TRPC4AP: variants seen among roughly 807,000 people sequenced by gnomAD.
TRPC4AP encodes transient receptor potential cation channel subfamily C member 4 associated protein, also known as short transient receptor potential channel 4-associated protein.
Under a neutral mutation model 99.0 loss-of-function variants are expected in TRPC4AP, and 45 were observed. That is an observed-to-expected ratio of 0.45 (90% CI 0.36 to 0.58). TRPC4AP has a LOEUF of 0.58. Ranked by LOEUF, TRPC4AP falls within the 20% of genes least tolerant of loss-of-function variation. The pLI is 0.00. For synonymous variants in TRPC4AP, 408 were observed against 385.8 expected (o/e 1.06, Z -0.67); for missense variants, 879 against 985.3 (o/e 0.89, Z 1.44).
rs779097736 is a variant in TRPC4AP at position 35,005,297 on chromosome 20, T to C, written c.1936+398A>G. On this transcript the variant is annotated intron_variant, in intron 16 of 18. Transcript: ENST00000252015. ...CTGCTGGATGCCACAAGCCCTCTCC[T>C]AGGAAAAAAAGGAAACGCGTGCGCA... 3.3e-5 allele frequency among the ~76,000 whole-genome samples: 5 copies of C among 151,948 alleles called. No homozygotes were observed. The East Asian group carries it at 5.8e-4, about 18-fold the overall frequency.
chr20:35,060,385 G>A (rs1600619094), intron 3 of TRPC4AP, among the ~76,000 whole-genome samples: 1 of 151,924 alleles, frequency 6.6e-6, no homozygotes, highest in Non-Finnish European at 1.5e-5. Context: ...CCAAGAGTAT[G>A]CAACCAGCCT....
chr20:35,002,815 A>G lies in TRPC4AP; in HGVS notation c.*331T>C. 4.0e-6 allele frequency: 1 copy of G among 248,864 alleles called. No individual in the cohort carries two copies. 15.4% of individuals were successfully genotyped at this position (248,864 alleles called of 1,614,324 possible). A position where few individuals can be genotyped will look rare whatever the true frequency, so the allele number is the denominator to read the frequency against. Reference sequence around the variant, plus strand: ...CCCATATCTTCCTCCCCACTCTGGGACTGACTGACAGCCAAGAAACCGGCA... The same window carrying G: ...CCCATATCTTCCTCCCCACTCTGGGGCTGACTGACAGCCAAGAAACCGGCA... On this transcript the variant is annotated 3_prime_UTR_variant, in exon 19 of 19. Coordinates refer to ENST00000252015, the MANE Select transcript of TRPC4AP (RefSeq NM_015638.3).
intron 9 of TRPC4AP, among the ~76,000 whole-genome samples, chr20:35,017,408 C>T (rs2082779297): frequency 6.6e-6 from 1 of 152,182 alleles, no homozygotes; most frequent in Non-Finnish European, 1.5e-5. Context: ...AGAGAGGCTT[C>T]ACTTATACTA....
intron 1 of TRPC4AP, among the ~76,000 whole-genome samples, chr20:35,089,957 C>T (rs1369731595): frequency 1.3e-5 from 2 of 151,090 alleles, no homozygotes; most frequent in Non-Finnish European, 3.0e-5. Context: ...CTGTCTCTAC[C>T]AAAGATACAA....
chr20:35,058,979 G>A (rs1004202902), intron 3 of TRPC4AP, among the ~76,000 whole-genome samples: 1 of 151,944 alleles, frequency 6.6e-6, no homozygotes, highest in African/African-American at 2.4e-5. Flanking sequence ...ATGAGCCACC[G>A]CACCCGGCCA....
chr20:35,024,768 C>T (rs1386812842), intron 8 of TRPC4AP, among the ~76,000 whole-genome samples: 3 of 129,536 alleles, frequency 2.3e-5, no homozygotes, highest in African/African-American at 9.1e-5. Flanking sequence ...GTCAGGGCTG[C>T]AATGAGCTGT....
At chr20:35,049,719 T>C in intron 6 of TRPC4AP, 147 bp downstream of exon 6, 1 of 837,392 alleles carries the variant, frequency 1.2e-6, no homozygotes, top group Non-Finnish European at 1.7e-6. Flanking sequence ...GTATAAGGGG[T>C]AATCAAGTTT....
At chr20:35,062,165 T>G (rs933965373) in intron 3 of TRPC4AP, among the ~76,000 whole-genome samples, 1 of 152,152 alleles carries the variant, frequency 6.6e-6, no homozygotes, top group African/African-American at 2.4e-5. Context: ...TTGGCAAAGA[T>G]GTGGAGAAAT....
At chr20:35,056,710 G>T (rs2083835407) in intron 4 of TRPC4AP, among the ~76,000 whole-genome samples, 1 of 152,048 alleles carries the variant, frequency 6.6e-6, no homozygotes, top group East Asian at 1.9e-4. Context: ...GCTGGGTGCG[G>T]TGGCTCATGC....
At position 35,092,675 on chromosome 20, in the gene TRPC4AP, T is replaced by G; in HGVS notation, c.107A>C (p.Asn36Thr). 3 of 1,527,396 alleles carry G rather than the reference T, an allele frequency of 2.0e-6. No individual in the cohort carries two copies. The highest frequency in any genetic ancestry group is 2.6e-5 in the East Asian group (1 of 38,866). The allele number at this position is 1,527,396 out of a possible 1,614,324, so 94.6% of individuals were successfully genotyped here. Residue 36 changes from asparagine to threonine, a missense_variant, in exon 1 of 19, where the codon AAC becomes ACC. By Grantham distance (65) the Asn-to-Thr change is moderately conservative. Around this residue, in one of 3 missense-constraint regions of TRPC4AP, gnomAD observed 603 missense variants for 631.8 expected, o/e 0.95. Coordinates refer to ENST00000252015, the MANE Select transcript of TRPC4AP (RefSeq NM_015638.3). Reference sequence around the variant, plus strand: ...GCCCTGCCGCAGCTGCAGCAGAATGTTACCAGGCCGCGGCCGGCCGCCCCA... The same window carrying G: ...GCCCTGCCGCAGCTGCAGCAGAATGGTACCAGGCCGCGGCCGGCCGCCCCA... ...GGWGGRPRPG[N>T]ILLQLRQGQL... is the part of the protein sequence containing the mutation.
chr20:35,014,156 T>G (rs1998232), intron 10 of TRPC4AP, among the ~76,000 whole-genome samples: 110,285 of 151,844 alleles, frequency 0.73, 40,377 homozygotes, highest in Middle Eastern at 0.83. Context: ...CGGGAGCACG[T>G]TTCTATAGGT....
At chr20:35,078,425 A>G (rs1048519601) in intron 1 of TRPC4AP, among the ~76,000 whole-genome samples, 5 of 152,194 alleles carry the variant, frequency 3.3e-5, no homozygotes, top group Admixed American at 2.0e-4. Flanking sequence ...TTGAGAGTGG[A>G]CTTAGACTCG....
intron 2 of TRPC4AP, among the ~76,000 whole-genome samples, chr20:35,070,307 C>T (rs945746576): frequency 1.3e-5 from 2 of 152,146 alleles, no homozygotes; most frequent in African/African-American, 4.8e-5. Context: ...TGCAGGAAGT[C>T]TTCTTGATTT....
intron 7 of TRPC4AP, among the ~76,000 whole-genome samples, chr20:35,040,593 C>T (rs1162322913): frequency 6.6e-6 from 1 of 152,046 alleles, no homozygotes; most frequent in Non-Finnish European, 1.5e-5. Context: ...TTGCAGACGG[C>T]TTATCTTTTA....
chr20:35,012,857 G>T, intron 11 of TRPC4AP, 151 bp downstream of exon 11: 1 of 722,234 alleles, frequency 1.4e-6, no homozygotes, highest in Non-Finnish European at 2.4e-6. Context: ...AGGTCCGACT[G>T]CAGTGTCACA....
intron 6 of TRPC4AP, among the ~76,000 whole-genome samples, chr20:35,046,821 C>T (rs1238064040): frequency 1.3e-5 from 2 of 152,070 alleles, no homozygotes; most frequent in South Asian, 2.1e-4. Flanking sequence ...CAAAACAGGT[C>T]CCACCACCCC....
rs922421746 is a variant in TRPC4AP at position 35,068,595 on chromosome 20, C to T, written c.414+701G>A. On this transcript the variant is annotated intron_variant, in intron 3 of 18. Transcript: ENST00000252015. ...AGAGTGCAGTGGTATGATCTTGGCTCACGGCAACCTCTGCCTCCCGGCTTC... is the reference window on the plus strand; with the variant it reads ...AGAGTGCAGTGGTATGATCTTGGCTTACGGCAACCTCTGCCTCCCGGCTTC... Among the ~76,000 whole-genome samples, 8 of 152,072 alleles carry T rather than the reference C, an allele frequency of 5.3e-5. No individual in the cohort carries two copies. The East Asian group carries it at 1.5e-3, about 29-fold the overall frequency.
intron 8 of TRPC4AP, among the ~76,000 whole-genome samples, chr20:35,030,166 A>G (rs887598070): frequency 2.0e-5 from 3 of 146,868 alleles, no homozygotes; most frequent in Non-Finnish European, 4.5e-5. Flanking sequence ...ACTTGAACCC[A>G]GGAGGCGGAG....
Position 35,092,625 on chromosome 20 carries a change from G to C in TRPC4AP, c.157C>G (p.Arg53Gly). 7.9e-7 allele frequency: 1 copy of C among 1,263,072 alleles called. No individual in the cohort carries two copies. Among genetic ancestry groups the C allele is most frequent in the Non-Finnish European group, 1.0e-6 (1 of 981,502 alleles). The allele number at this position is 1,263,072 out of a possible 1,614,324, so 78.2% of individuals were successfully genotyped here. A position where few individuals can be genotyped will look rare whatever the true frequency, so the allele number is the denominator to read the frequency against. ...QGQLTGRGLV[R>G]AVQFTETFLT... Reference sequence around the variant, plus strand: ...GTCCAGCCTCGTACCTGCACCGCCCGGACCAGGCCCCGGCCGGTCAGCTGG... The same window carrying C: ...GTCCAGCCTCGTACCTGCACCGCCCCGACCAGGCCCCGGCCGGTCAGCTGG... Residue 53 changes from arginine (R) to glycine (G), a missense_variant, in exon 1 of 19, where the codon CGG (arginine) becomes GGG (glycine). Arg to Gly is a moderately radical substitution (Grantham distance 125, BLOSUM62 -2). This residue lies in a region of TRPC4AP where 603 missense variants were observed against 631.8 expected (regional missense o/e 0.95). Coordinates refer to ENST00000252015, the MANE Select transcript of TRPC4AP (RefSeq NM_015638.3).
Sources: gnomAD v4.1 joint callset for allele counts (sites outside exome capture counted in the v4.1 genomes callset) on GRCh38, gnomAD v4.1.1 for gene constraint, gnomAD v4.1.1 regional missense constraint, MANE v1.5 for transcripts, NCBI Gene and HGNC (gene_info 2026-07-23, HGNC 2026-07-21) for gene names.